Variants in PAPSS1 observed in about 807,000 individuals in gnomAD.
PAPSS1 encodes the protein 3'-phosphoadenosine 5'-phosphosulfate synthase 1.
A neutral mutation model predicts 72.0 loss-of-function variants in PAPSS1; 50 were observed. The ratio of observed to expected loss-of-function variants is 0.69; its 90% confidence interval spans 0.55 to 0.88. PAPSS1 has a LOEUF of 0.88. Ranked by LOEUF, PAPSS1 falls within the 40% of genes least tolerant of loss-of-function variation. The pLI is 0.00. For synonymous variants in PAPSS1, 261 were observed against 263.6 expected (o/e 0.99, Z 0.09); for missense variants, 657 against 782.2 (o/e 0.84, Z 1.91).
chr4:107,698,535 C>G (rs937744066), intron 2 of PAPSS1, among the ~76,000 whole-genome samples: 7 of 152,114 alleles, frequency 4.6e-5, no homozygotes, highest in Admixed American at 3.3e-4. Context: ...GAGGGGAGGA[C>G]AGGGGGCAAA....
At chr4:107,627,056 C>T (rs1347437245) in intron 11 of PAPSS1, among the ~76,000 whole-genome samples, 3 of 152,172 alleles carry the variant, frequency 2.0e-5, no homozygotes, top group Non-Finnish European at 4.4e-5. Flanking sequence ...AGCAATACTA[C>T]ACAGTTATTT....
intron 9 of PAPSS1, among the ~76,000 whole-genome samples, chr4:107,650,894 G>C (rs1726821353): frequency 6.6e-6 from 1 of 152,048 alleles, no homozygotes; most frequent in South Asian, 2.1e-4. Flanking sequence ...CTGTCAGAAA[G>C]AAAATCTTTC....
chr4:107,655,083 A>G (rs576466211), intron 7 of PAPSS1, among the ~76,000 whole-genome samples, 183 bp from the exon 8 acceptor site: 1 of 150,870 alleles, frequency 6.6e-6, no homozygotes, highest in South Asian at 2.1e-4. Context: ...GGTCAGGGAG[A>G]ATGAGCAACG....
chr4:107,647,493 C>T (rs750700104), intron 9 of PAPSS1, among the ~76,000 whole-genome samples: 51 of 152,312 alleles, frequency 3.3e-4, no homozygotes, highest in Non-Finnish European at 5.0e-4. Flanking sequence ...TAAAAATCTA[C>T]ACCACTTAAG....
chr4:107,622,433 A>C (rs1248707152), intron 11 of PAPSS1, among the ~76,000 whole-genome samples: 1 of 152,230 alleles, frequency 6.6e-6, no homozygotes, highest in Non-Finnish European at 1.5e-5. Context: ...CTTATCTATC[A>C]TTCCTAGTAT....
intron 5 of PAPSS1, among the ~76,000 whole-genome samples, chr4:107,673,222 AC>A (rs1445791985): frequency 6.6e-6 from 1 of 152,234 alleles, no homozygotes; most frequent in Non-Finnish European, 1.5e-5. Flanking sequence ...AATGACTTTG[AC>A]GAGTTGAGAG....
chr4:107,688,002 A>T (rs1722832169), intron 3 of PAPSS1, among the ~76,000 whole-genome samples: 1 of 151,882 alleles, frequency 6.6e-6, no homozygotes, highest in Non-Finnish European at 1.5e-5. Flanking sequence ...CAAATCTCCA[A>T]GAATAAGCTC....
At chr4:107,646,320 CACACACATACACACACAT>C in intron 9 of PAPSS1, among the ~76,000 whole-genome samples, 1 of 149,114 alleles carries the variant, frequency 6.7e-6, no homozygotes, top group South Asian at 2.1e-4. Flanking sequence ...TACACACACA[CACACACATACACACACAT>C]ACACACATAC....
chr4:107,696,744 TA>T (rs1359738277), intron 2 of PAPSS1, among the ~76,000 whole-genome samples: 2 of 148,190 alleles, frequency 1.3e-5, no homozygotes, highest in African/African-American at 2.5e-5. Flanking sequence ...AAGAAAAATT[TA>T]AAAAAAAAAG....
chr4:107,708,736 T>C (rs763860905), intron 1 of PAPSS1, among the ~76,000 whole-genome samples: 1 of 152,334 alleles, frequency 6.6e-6, no homozygotes, highest in East Asian at 1.9e-4. Context: ...GCAAACATAG[T>C]ACTCTGGATA....
chr4:107,624,653 C>A (rs1726048378), intron 11 of PAPSS1, among the ~76,000 whole-genome samples: 1 of 151,882 alleles, frequency 6.6e-6, no homozygotes, highest in East Asian at 1.9e-4. Context: ...AATTATAATT[C>A]AAATGCATAC....
intron 3 of PAPSS1, among the ~76,000 whole-genome samples, chr4:107,693,553 T>A (rs1722996210): frequency 6.6e-6 from 1 of 152,232 alleles, no homozygotes; most frequent in Non-Finnish European, 1.5e-5. Context: ...ACGGCTTTTT[T>A]AAAAGCAGGT....
Position 107,687,162 on chromosome 4 carries a change from T to C in PAPSS1, c.427A>G (p.Arg143Gly), listed in dbSNP as rs767666469. 6.3e-7 allele frequency: 1 copy of C among 1,576,596 alleles called. No homozygotes were observed. The highest frequency in any genetic ancestry group is 1.2e-5 in the South Asian group (1 of 82,520). The change falls in exon 4 of 12, where the codon AGG (arginine) becomes GGG (glycine). Residue 143 changes from arginine to glycine, a missense_variant. Transcript: ENST00000265174. ...SPYTQDRNNA[R>G]QIHEGASLPF... The stretch of plus-strand genomic sequence containing the variant: ...AAACTTGCACCTTCATGAATTTGCC[T>C]TGCATTGTTGCGATCCTTAAAAAAA...
intron 7 of PAPSS1, 126 bp downstream of exon 7, chr4:107,656,770 C>T: frequency 1.5e-6 from 1 of 675,510 alleles, no homozygotes; most frequent in South Asian, 1.8e-5. Flanking sequence ...ACTGATATAA[C>T]TTAGTCTTAT....
intron 4 of PAPSS1, among the ~76,000 whole-genome samples, chr4:107,686,081 A>G (rs575773694): frequency 9.2e-5 from 14 of 152,372 alleles, no homozygotes; most frequent in Non-Finnish European, 1.9e-4. Flanking sequence ...TGTCTACAAG[A>G]TAAATAGTAT....
Position 107,701,304 on chromosome 4 carries a change from A to C in PAPSS1, c.61-19T>G, listed in dbSNP as rs545864056. 28 of 1,565,062 alleles carry C rather than the reference A, an allele frequency of 1.8e-5. No individual in the cohort carries two copies. The South Asian group carries it at 2.9e-4, about 16-fold the overall frequency. On this transcript the variant is annotated intron_variant, in intron 1 of 11. Transcript: ENST00000265174. ...GCATTCCCTAGAAAAAAAAGAAAAA[A>C]AAAATTCTAGTTTACATGAGTCCTT...
intron 11 of PAPSS1, among the ~76,000 whole-genome samples, chr4:107,616,755 T>C (rs1043117605): frequency 3.3e-5 from 5 of 152,286 alleles, no homozygotes; most frequent in Admixed American, 6.5e-5. Flanking sequence ...CAGAGGGTCA[T>C]AAGACAAAAA....
At chr4:107,685,405 A>G (rs1292052847) in intron 4 of PAPSS1, among the ~76,000 whole-genome samples, 1 of 152,178 alleles carries the variant, frequency 6.6e-6, no homozygotes, top group Non-Finnish European at 1.5e-5. Context: ...AAAATCAACT[A>G]AAATTAAAGT....
At chr4:107,623,267 C>T (rs1489285525) in intron 11 of PAPSS1, among the ~76,000 whole-genome samples, 2 of 147,370 alleles carry the variant, frequency 1.4e-5, no homozygotes, top group Non-Finnish European at 3.0e-5. Context: ...TCTGCTTCTG[C>T]TGACTGTAGT....
Sources: gnomAD v4.1 joint callset for allele counts (sites outside exome capture counted in the v4.1 genomes callset) on GRCh38, gnomAD v4.1.1 for gene constraint, MANE v1.5 for transcripts, NCBI Gene and HGNC (gene_info 2026-07-23, HGNC 2026-07-21) for gene names.